The following METTL3 variants were observed in gnomAD, a reference collection of about 807,000 sequenced individuals.
The protein encoded by METTL3 is N(6)-adenosine-methyltransferase catalytic subunit METTL3.
A neutral mutation model predicts 64.3 loss-of-function variants in METTL3; 42 were observed. That is an observed-to-expected ratio of 0.65 (90% CI 0.51 to 0.84). The LOEUF is 0.84. Among genes scored for constraint, METTL3 ranks in the 40% least tolerant of loss-of-function variants. The pLI is 0.00. For synonymous variants in METTL3, 256 were observed against 263.6 expected, an observed-to-expected ratio of 0.97 and a Z score of 0.28; for missense variants, 435 against 722.3, an observed-to-expected ratio of 0.60 and a Z score of 4.56.
At chr14:21,499,842 A>T (rs752705650) in intron 6 of METTL3, 40 bp from the exon 7 acceptor site, 3 of 1,595,994 alleles carry the variant, frequency 1.9e-6, no homozygotes, top group Middle Eastern at 1.7e-4. Flanking sequence ...GTATGCCCAT[A>T]TTTTTTTTCC....
chr14:21,505,427 ATCTGGTGATGTAAT>A (rs1449293429), intron 1 of METTL3, among the ~76,000 whole-genome samples: 6 of 152,224 alleles, frequency 3.9e-5, no homozygotes, highest in Non-Finnish European at 7.3e-5. Flanking sequence ...TCATTCCAAT[ATCTGGTGATGTAAT>A]TCTGGTTATG....
rs764304133 is a variant in METTL3, at chr14:21,499,060, C to T, written c.1596G>A (p.Glu532=). Residue 532 remains glutamate, a synonymous_variant, in exon 10 of 11, where the codon GAG becomes GAA. Coordinates refer to ENST00000298717, the MANE Select transcript of METTL3 (RefSeq NM_019852.5). ...GCACATTGTGTGGTCGTCCAAATAA[C>T]TCAATCTTGCGAGTGCCAGGAGATA... is the stretch of plus-strand genomic sequence containing the variant. The part of the protein sequence containing the change: ...ERLSPGTRKI[E]LFGRPHNVQP... The T allele has an allele frequency of 6.2e-7, 1 of 1,614,174 alleles. No individual in the cohort carries two copies. Among genetic ancestry groups the T allele is most frequent in the South Asian group, 1.1e-5 (1 of 91,078 alleles).
intron 1 of METTL3, chr14:21,509,507 G>A (rs1447775746): frequency 6.6e-6 from 1 of 152,158 alleles, no homozygotes; most frequent in Non-Finnish European, 1.5e-5. Context: ...ACTTTGGGAG[G>A]CTTAGGCAAG....
chr14:21,502,573 A>G (rs902569757), intron 3 of METTL3: 1 of 154,156 alleles, frequency 6.5e-6, no homozygotes, highest in African/African-American at 2.4e-5. Context: ...AGTCTATTCA[A>G]TTCTATAAGG....
Position 21,501,814 on chromosome 14 carries a change from T to C in METTL3, c.813A>G (p.Gln271=), listed in dbSNP as rs1461572646. The C allele has an allele frequency of 1.2e-6, 2 of 1,614,046 alleles. No individual in the cohort carries two copies. The highest frequency in any genetic ancestry group is 2.7e-5 in the African/African-American group (2 of 74,922). ...VEKFRSRGRA[Q]VQEFCDYGTK... ...TTCCATAGTCACAGAATTCTTGCAC[T>C]TGGGCCCGACCTCGAGAGCGAAATT... The change falls in exon 4 of 11, where the codon CAA becomes CAG. Residue 271 remains glutamine (Q), a synonymous_variant. Transcript: ENST00000298717.
chr14:21,503,874 C>T lies in METTL3; in HGVS notation c.108G>A (p.Arg36=), dbSNP rs775220580. 6.2e-7 allele frequency: 1 copy of T among 1,613,830 alleles called. No homozygotes were observed. Among genetic ancestry groups the T allele is most frequent in the Non-Finnish European group, 8.5e-7 (1 of 1,179,980 alleles). ...TTGGAGACAATGCTGCCTCTGGATT[C>T]CGTAGATCTAAGAATGAAGAGAAGT... The part of the protein sequence containing the change: ...RKQDSGHLDL[R]NPEAALSPTF... The change falls in exon 2 of 11, where the codon CGG becomes CGA. Residue 36 remains arginine, a synonymous_variant. Transcript: ENST00000298717.
In METTL3 at chr14:21,503,139, G is replaced by A. The variant is rs144141084; in HGVS notation, c.723+34C>T. On this transcript the variant is annotated intron_variant, in intron 3 of 10. Transcript: ENST00000298717. Reference sequence around the variant, plus strand: ...CTGTCAAACAAAGCTATAATTAAGAGCATATTGTGAGAGTATTTTCACATG... The same window carrying A: ...CTGTCAAACAAAGCTATAATTAAGAACATATTGTGAGAGTATTTTCACATG... 673 of 1,571,786 alleles carry A rather than the reference G, an allele frequency of 4.3e-4. 1 individual carries two copies. In the African/African-American group the frequency reaches 7.8e-3, roughly 18 times the overall value.
intron 1 of METTL3, among the ~76,000 whole-genome samples, chr14:21,509,913 C>G (rs564849353): frequency 6.6e-6 from 1 of 152,272 alleles, no homozygotes; most frequent in African/African-American, 2.4e-5. Flanking sequence ...ATTGCCTGAC[C>G]ATATGACTTG....
intron 6 of METTL3, 112 bp downstream of exon 6, chr14:21,500,382 TA>T (rs1891532521): frequency 2.8e-6 from 3 of 1,055,392 alleles, no homozygotes; most frequent in Non-Finnish European, 4.2e-6. Flanking sequence ...AAAAAAAGAC[TA>T]AATCAGTCAT....
At chr14:21,509,077 C>G (rs758930749) in intron 1 of METTL3, among the ~76,000 whole-genome samples, 1 of 152,106 alleles carries the variant, frequency 6.6e-6, no homozygotes, top group Admixed American at 6.5e-5. Context: ...TGGTGGCTCA[C>G]GCCTGTAATC....
In METTL3 at chr14:21,503,373, C is replaced by G; in HGVS notation, c.523G>C (p.Gly175Arg). The G allele has an allele frequency of 6.2e-7, 1 of 1,614,192 alleles. No individual in the cohort carries two copies. The highest frequency in any genetic ancestry group is 8.5e-7 in the Non-Finnish European group (1 of 1,180,030). ...GPGEVAGTVT[G>R]QKRRAEQDST... ...TCCTGTTCTGCACGCCGCTTCTGCC[C>G]TGTGACAGTCCCTGCTACCTCCCCA... Residue 175 changes from glycine to arginine, a missense_variant, in exon 3 of 11, where the codon GGG (glycine) becomes CGG (arginine). Around this residue, in one of 9 missense-constraint regions of METTL3, gnomAD observed 228 missense variants for 279.6 expected, o/e 0.82. Coordinates refer to ENST00000298717, the MANE Select transcript of METTL3 (RefSeq NM_019852.5).
rs1420428676 is a variant in METTL3, at chr14:21,500,494, C to T, written c.1304+1G>A. 1 of 1,614,070 alleles carries T rather than the reference C, an allele frequency of 6.2e-7. No individual in the cohort carries two copies. Among genetic ancestry groups the T allele is most frequent in the East Asian group, 2.2e-5 (1 of 44,880 alleles). On this transcript the variant is annotated splice_donor_variant, in intron 6 of 10. Coordinates refer to ENST00000298717, the MANE Select transcript of METTL3 (RefSeq NM_019852.5). LOFTEE classifies it high-confidence loss of function. ...ATACCTACGTAACTGAATTGCATTA[C>T]CTGCCTGTGACCCAGAGGAAGAGAA... is the stretch of plus-strand genomic sequence containing the variant.
chr14:21,499,645 A>C (rs1012499313), intron 7 of METTL3, 45 bp from the exon 8 acceptor site: 1 of 1,590,686 alleles, frequency 6.3e-7, no homozygotes, highest in Non-Finnish European at 8.6e-7. Flanking sequence ...AAACTTTTAC[A>C]GTTTAGGGGT....
chr14:21,503,838 A>G lies in METTL3; in HGVS notation c.144T>C (p.Ser48=). ...PEAALSPTFR[S]DSPVPTAPTS... ...TGGGTGCAGTAGGCACTGGGCTGTCACTACGGAAGGTTGGAGACAATGCTG... is the reference window on the plus strand; with the variant it reads ...TGGGTGCAGTAGGCACTGGGCTGTCGCTACGGAAGGTTGGAGACAATGCTG... Residue 48 remains serine, a synonymous_variant, in exon 2 of 11, where the codon AGT becomes AGC. Transcript: ENST00000298717. The G allele has an allele frequency of 6.2e-7, 1 of 1,614,256 alleles. No homozygotes were observed. Among genetic ancestry groups the G allele is most frequent in the Non-Finnish European group, 8.5e-7 (1 of 1,180,042 alleles).
rs1891502029 is a variant in METTL3 at position 21,499,531 on chromosome 14, A to G, written c.1413T>C (p.Arg471=). ...TCCCATGGTTCAACCAGTGACCTGT[A>G]CGGCCTGTCCGAATGATGCGTTGCA... ...NQLQRIIRTG[R]TGHWLNHGKE... is the part of the protein sequence containing the mutation. The change falls in exon 8 of 11, where the codon CGT becomes CGC. Residue 471 remains arginine, a synonymous_variant. Transcript: ENST00000298717. 6.2e-7 allele frequency: 1 copy of G among 1,614,218 alleles called. No individual in the cohort carries two copies. Among genetic ancestry groups the G allele is most frequent in the Non-Finnish European group, 8.5e-7 (1 of 1,180,018 alleles).
intron 5 of METTL3, 33 bp from the exon 6 acceptor site, chr14:21,500,715 C>T (rs1891543053): frequency 1.3e-6 from 2 of 1,584,080 alleles, no homozygotes; most frequent in Admixed American, 1.8e-5. Flanking sequence ...ATCTTCCCTA[C>T]TTTAACTCTG....
intron 4 of METTL3, 98 bp downstream of exon 4, chr14:21,501,630 T>C: frequency 6.7e-7 from 1 of 1,486,404 alleles, no homozygotes; most frequent in Non-Finnish European, 9.3e-7. Flanking sequence ...ATAAACTAAA[T>C]AAGATTACAG....
chr14:21,499,273 T>TGTG (rs761585539), intron 9 of METTL3, 33 bp downstream of exon 9: 4 of 1,613,440 alleles, frequency 2.5e-6, no homozygotes, highest in South Asian at 2.2e-5. Flanking sequence ...CCAACAAAAA[T>TGTG]GTGGAAGCTT....
chr14:21,499,279 A>C (rs939768765), intron 9 of METTL3, 27 bp downstream of exon 9: 3 of 1,613,892 alleles, frequency 1.9e-6, no homozygotes, highest in Middle Eastern at 3.3e-4. Flanking sequence ...AAAATGTGGA[A>C]GCTTTGGAGG....
Sources: allele counts gnomAD v4.1 joint callset (sites outside exome capture counted in the v4.1 genomes callset), GRCh38; gene constraint gnomAD v4.1.1; regional missense constraint gnomAD v4.1.1; transcripts MANE v1.5; gene names NCBI Gene and HGNC (gene_info 2026-07-23, HGNC 2026-07-21).